The following ADGRG1 variants were observed in gnomAD, a reference collection of about 807,000 sequenced individuals.
The protein encoded by ADGRG1 is 7-transmembrane protein with no EGF-like N-terminal domains-1.
A neutral mutation model predicts 73.5 loss-of-function variants in ADGRG1; 53 were observed. The ratio of observed to expected loss-of-function variants is 0.72; its 90% CI spans 0.58 to 0.91. The LOEUF (loss-of-function observed/expected upper bound fraction) is 0.91, where lower values mean the gene tolerates loss of function less well. Among genes scored for constraint, ADGRG1 ranks in the 40% least tolerant of loss-of-function variants. The probability of loss-of-function intolerance (pLI) is 0.00; values close to 1 mark genes in which losing one functional copy is unlikely to be tolerated. For missense variants in ADGRG1, 795 were observed against 871.8 expected (o/e 0.91, Z 1.11); for synonymous variants, 394 against 374.4 (o/e 1.05, Z -0.60).
intron 1 of ADGRG1, chr16:57,645,437 C>T (rs1180920190): frequency 1.7e-6 from 1 of 583,356 alleles, no homozygotes; most frequent in African/African-American, 2.0e-5. Flanking sequence ...TTCCAGGGCC[C>T]CGCTAAATGC....
exon 1 of ADGRG1, chr16:57,621,027 CA>C (rs1369758759): frequency 6.6e-6 from 1 of 152,210 alleles, no homozygotes. Flanking sequence ...ATGGGCCACA[CA>C]CGCCAGCCAG....
rs1567844861 is a variant in ADGRG1, at chr16:57,665,093, CT to C, written c.*1512del. On this transcript the variant is annotated 3_prime_UTR_variant, in exon 14 of 14. Coordinates refer to ENST00000562631, the MANE Select transcript of ADGRG1 (RefSeq NM_201525.4). ...TCCTGTGCTTCTATTGAAAGAGTCA[CT>C]GATACTAATACAAATACCTTGGGGC... 6.6e-6 allele frequency: 1 copy of C among 151,534 alleles called. No homozygotes were observed. Among genetic ancestry groups the C allele is most frequent in the Non-Finnish European group, 1.5e-5 (1 of 67,948 alleles). 9.4% of individuals were successfully genotyped at this position (151,534 alleles called of 1,614,324 possible).
At chr16:57,636,443 A>G (rs1410616247) in intron 1 of ADGRG1, 1 of 985,134 alleles carries the variant, frequency 1.0e-6, no homozygotes, top group Non-Finnish European at 1.2e-6. Context: ...CTATCAGGCT[A>G]TGCACAGTCT....
chr16:57,644,124 C>CTTCCCAGCTTTGAAGTCTG (rs1567715543), intron 1 of ADGRG1: 1 of 985,112 alleles, frequency 1.0e-6, no homozygotes, highest in Non-Finnish European at 1.2e-6. Flanking sequence ...TCCCTGTCCC[C>CTTCCCAGCTTTGAAGTCTG]TTCCCAGCTT....
intron 1 of ADGRG1, chr16:57,643,088 A>AACT (rs1469113416): frequency 1.3e-5 from 2 of 152,216 alleles, no homozygotes; most frequent in Non-Finnish European, 2.9e-5. Flanking sequence ...GCACCAGATA[A>AACT]GACCCCTGTT....
chr16:57,641,516 C>A (rs1597276313), intron 1 of ADGRG1: 2 of 984,972 alleles, frequency 2.0e-6, no homozygotes, highest in East Asian at 2.3e-4. Flanking sequence ...CCTTCCTAAT[C>A]CCTGTTTCTC....
At chr16:57,622,641 C>A in intron 2 of ADGRG1, 2 of 340,844 alleles carry the variant, frequency 5.9e-6, no homozygotes, top group Non-Finnish European at 8.3e-6. Context: ...GCTCTGGGCT[C>A]AGGGGCTTCT....
rs538591466 is a variant in ADGRG1, at chr16:57,647,358, G to A, written c.-35-2895G>A. ...GTGGGTGAGCTGGTTGCTGGGGGCC[G>A]TACGGGAAGAGGGGGAAACAGGGAG... On this transcript the variant is annotated intron_variant, in intron 1 of 13. Coordinates refer to ENST00000562631, the MANE Select transcript of ADGRG1 (RefSeq NM_201525.4). 4.5e-5 allele frequency: 44 copies of A among 981,266 alleles called. No homozygotes were observed. The African/African-American group carries it at 5.1e-4, about 11-fold the overall frequency. The allele number at this position is 981,266 out of a possible 1,614,324, so 60.8% of individuals were successfully genotyped here.
At chr16:57,659,726 T>C in intron 11 of ADGRG1, 45 bp downstream of exon 11, 4 of 1,608,876 alleles carry the variant, frequency 2.5e-6, no homozygotes, top group Non-Finnish European at 3.4e-6. Flanking sequence ...CTCTCCCACT[T>C]GGCTCTGGCA....
At chr16:57,648,019 T>G (rs1052782586) in intron 1 of ADGRG1, 8 of 152,538 alleles carry the variant, frequency 5.2e-5, no homozygotes, top group Admixed American at 5.2e-4. Context: ...GCCAGGGAGA[T>G]GCATGGATTC....
chr16:57,630,646 G>C (rs1328026760), intron 1 of ADGRG1: 1 of 449,148 alleles, frequency 2.2e-6, no homozygotes. Flanking sequence ...ACTTCCTTTT[G>C]TCAGGGATAC....
At chr16:57,638,135 T>G (rs2039837105) in intron 1 of ADGRG1, among the ~76,000 whole-genome samples, 1 of 152,224 alleles carries the variant, frequency 6.6e-6, no homozygotes, top group Non-Finnish European at 1.5e-5. Context: ...TCCCTGTCAC[T>G]GGAGATGTTC....
chr16:57,628,185 G>A (rs558272881), upstream of ADGRG1: 23 of 985,276 alleles, frequency 2.3e-5, no homozygotes, highest in African/African-American at 2.6e-4. Context: ...ACTGGCTCCC[G>A]TCGGCTGCCA....
chr16:57,641,581 T>TTTTG, intron 1 of ADGRG1: 1 of 970,324 alleles, frequency 1.0e-6, no homozygotes, highest in Non-Finnish European at 1.2e-6. Flanking sequence ...TTTTTTTTTT[T>TTTTG]TTGAGACAGG....
intron 1 of ADGRG1, among the ~76,000 whole-genome samples, chr16:57,633,918 C>T (rs1381173418): frequency 1.3e-5 from 2 of 152,220 alleles, no homozygotes; most frequent in Admixed American, 1.3e-4. Flanking sequence ...AGGCATTGTC[C>T]AGCCTGGGAC....
At chr16:57,623,709 C>T (rs369790649), upstream of ADGRG1, 4 of 738,752 alleles carry the variant, frequency 5.4e-6, no homozygotes, top group Non-Finnish European at 5.0e-6. Context: ...TTTGTGAAGG[C>T]GGCTGAGTCA....
At chr16:57,654,794 C>T (rs566251961) in intron 5 of ADGRG1, among the ~76,000 whole-genome samples, 1 of 152,178 alleles carries the variant, frequency 6.6e-6, no homozygotes, top group Admixed American at 6.5e-5. Flanking sequence ...GCAGGAGAAT[C>T]GCTTGAACCC....
chr16:57,628,963 AGTGT>A, intron 1 of ADGRG1, 161 bp downstream of exon 1: 1 of 592,208 alleles, frequency 1.7e-6, no homozygotes, highest in Non-Finnish European at 2.0e-6. Context: ...AGAGTGTGTG[AGTGT>A]GAGTGTGTGA....
At position 57,653,415 on chromosome 16, in the gene ADGRG1, AG is replaced by A. The variant is rs2044638589; in HGVS notation, c.620+84del. On this transcript the variant is annotated intron_variant, in intron 4 of 13. Coordinates refer to ENST00000562631, the MANE Select transcript of ADGRG1 (RefSeq NM_201525.4). ...ACCTGGGCAGGGTGGGACCTGGAGT[AG>A]GGGCTACTGCGAGGCCTTCCCTGGG... is the stretch of plus-strand genomic sequence containing the variant. 13 of 1,590,386 alleles carry A rather than the reference AG, an allele frequency of 8.2e-6. No individual in the cohort carries two copies. The South Asian group carries it at 1.4e-4, about 18-fold the overall frequency.
Sources: allele counts gnomAD v4.1 joint callset (sites outside exome capture counted in the v4.1 genomes callset), GRCh38; gene constraint gnomAD v4.1.1; transcripts MANE v1.5; gene names NCBI Gene and HGNC (gene_info 2026-07-23, HGNC 2026-07-21).